The following OPRL1 variants were observed in gnomAD, a reference collection of about 807,000 sequenced individuals.
OPRL1 encodes the protein nociceptin receptor.
Under a neutral mutation model 15.5 loss-of-function variants are expected in OPRL1, and 5 were observed. The observed-to-expected ratio is 0.32, with a 90% confidence interval of 0.17 to 0.68. The LOEUF (loss-of-function observed/expected upper bound fraction) is 0.68, where lower values mean the gene tolerates loss of function less well. Among genes scored for constraint, OPRL1 ranks in the 30% least tolerant of loss-of-function variants. The pLI, the probability that OPRL1 is intolerant of heterozygous loss-of-function variation, is 0.72. For missense variants in OPRL1, 406 were observed against 515.3 expected (o/e 0.79, Z 2.05); for synonymous variants, 223 against 230.2 (o/e 0.97, Z 0.28).
At position 64,093,090 on chromosome 20, in the gene OPRL1, C is replaced by G. The variant is rs932416924; in HGVS notation, c.233+137C>G. 13 of 813,402 alleles carry G rather than the reference C, an allele frequency of 1.6e-5. No homozygotes were observed. The African/African-American group carries it at 1.9e-4, about 12-fold the overall frequency. The allele number at this position is 813,402 out of a possible 1,614,324, so 50.4% of individuals were successfully genotyped here. A position where few individuals can be genotyped will look rare whatever the true frequency, so the allele number is the denominator to read the frequency against. On this transcript the variant is annotated intron_variant, in intron 3 of 4. Coordinates refer to ENST00000336866, the MANE Select transcript of OPRL1 (RefSeq NM_182647.4). Reference sequence around the variant, plus strand: ...CCCCATTCAATGTTTTTGACCCTGTCCAGGAGGCAGGGTCAGTCCTGAGGC... The same window carrying G: ...CCCCATTCAATGTTTTTGACCCTGTGCAGGAGGCAGGGTCAGTCCTGAGGC...
Position 64,099,168 on chromosome 20 carries a change from C to G in OPRL1, c.*369C>G. 3.3e-6 allele frequency: 1 copy of G among 300,784 alleles called. No individual in the cohort carries two copies. The highest frequency in any genetic ancestry group is 6.2e-6 in the Non-Finnish European group (1 of 161,130). 18.6% of individuals were successfully genotyped at this position (300,784 alleles called of 1,614,324 possible). Reference sequence around the variant, plus strand: ...CATGTGACTCTTGGCCTCTCTGCTGCTGCGTTGGCAGAACCCTGGGTGGGC... The same window carrying G: ...CATGTGACTCTTGGCCTCTCTGCTGGTGCGTTGGCAGAACCCTGGGTGGGC... On this transcript the variant is annotated 3_prime_UTR_variant, in exon 5 of 5. Coordinates refer to ENST00000336866, the MANE Select transcript of OPRL1 (RefSeq NM_182647.4).
At chr20:64,087,714 C>G (rs1243082242) in intron 1 of OPRL1, among the ~76,000 whole-genome samples, 1 of 152,276 alleles carries the variant, frequency 6.6e-6, no homozygotes, top group Non-Finnish European at 1.5e-5. Context: ...CTGCCCAGAA[C>G]ATGTGTGTTT....
chr20:64,084,467 C>T (rs2060020444), intron 1 of OPRL1: 2 of 983,114 alleles, frequency 2.0e-6, no homozygotes, highest in Non-Finnish European at 2.6e-6. Flanking sequence ...CTAGGACTTT[C>T]TGATCAACTC....
intron 3 of OPRL1, among the ~76,000 whole-genome samples, chr20:64,095,291 G>A (rs1475952841): frequency 2.2e-5 from 2 of 90,166 alleles, no homozygotes; most frequent in African/African-American, 4.5e-5. Context: ...GGGGGATAGT[G>A]GGGGGATAGT....
rs1476658903 is a variant in OPRL1 at position 64,099,654 on chromosome 20, T to G, written c.*855T>G. ...CCAGCGGTGCAATGAACTATCATGC[T>G]GTGGACCGTCAACCCAGCCCTGCTT... is the stretch of plus-strand genomic sequence containing the variant. On this transcript the variant is annotated 3_prime_UTR_variant, in exon 5 of 5. Transcript: ENST00000336866. The G allele has an allele frequency of 6.6e-6, 1 of 152,376 alleles. No individual in the cohort carries two copies. Among genetic ancestry groups the G allele is most frequent in the African/African-American group, 2.4e-5 (1 of 41,470 alleles). The allele number at this position is 152,376 out of a possible 1,614,324, so 9.4% of individuals were successfully genotyped here.
chr20:64,088,733 A>G (rs867817959), intron 1 of OPRL1, among the ~76,000 whole-genome samples: 509 of 8,520 alleles, frequency 0.06, 137 homozygotes, highest in Middle Eastern at 0.091. Context: ...GATCTGTGCA[A>G]GGGGTAGGAT....
Position 64,098,874 on chromosome 20 carries a change from C to T in OPRL1, c.*75C>T. ...CGCCCAACACAGAGCTCACACAGGT[C>T]ACTGCTCTCTAGGCGGACACACCCT... On this transcript the variant is annotated 3_prime_UTR_variant, in exon 5 of 5. Coordinates refer to ENST00000336866, the MANE Select transcript of OPRL1 (RefSeq NM_182647.4). 4.7e-6 allele frequency: 7 copies of T among 1,497,880 alleles called. No homozygotes were observed. Among genetic ancestry groups the T allele is most frequent in the Non-Finnish European group, 6.2e-6 (7 of 1,126,658 alleles). 92.8% of individuals were successfully genotyped at this position (1,497,880 alleles called of 1,614,324 possible). A position where few individuals can be genotyped will look rare whatever the true frequency, so the allele number is the denominator to read the frequency against.
At position 64,083,623 on chromosome 20, in the gene OPRL1, A is replaced by G. The variant is rs1236580633; in HGVS notation, c.-185+3271A>G. 1.1e-5 allele frequency: 16 copies of G among 1,475,172 alleles called. No individual in the cohort carries two copies. The highest frequency in any genetic ancestry group is 1.4e-5 in the Non-Finnish European group (16 of 1,115,368). 91.4% of individuals were successfully genotyped at this position (1,475,172 alleles called of 1,614,324 possible). ...GGGGTCCGGGATCCGCGCGGGCTTC[A>G]GCTGCGGCGGCAGGAACAGCTCCAG... is the stretch of plus-strand genomic sequence containing the variant. On this transcript the variant is annotated intron_variant, in intron 1 of 4. Transcript: ENST00000336866. The surrounding 1 kb of genome is among the most constrained non-coding windows in gnomAD (Gnocchi z 4.9).
chr20:64,098,194 C>T, intron 4 of OPRL1, 37 bp downstream of exon 4: 1 of 1,605,712 alleles, frequency 6.2e-7, no homozygotes, highest in Non-Finnish European at 8.5e-7. Flanking sequence ...CACCAGGCTC[C>T]CTGGCTCCCG....
chr20:64,093,373 C>T (rs953809470), intron 3 of OPRL1, among the ~76,000 whole-genome samples: 1 of 146,890 alleles, frequency 6.8e-6, no homozygotes, highest in Non-Finnish European at 1.5e-5. Flanking sequence ...CTCTCAGGCT[C>T]CAGGGCTCCT....
Position 64,083,807 on chromosome 20 carries a change from C to T in OPRL1, c.-185+3455C>T, listed in dbSNP as rs1347548821. 3.7e-6 allele frequency: 5 copies of T among 1,349,730 alleles called. No individual in the cohort carries two copies. Among genetic ancestry groups the T allele is most frequent in the Non-Finnish European group, 4.7e-6 (5 of 1,057,402 alleles). 83.6% of individuals were successfully genotyped at this position (1,349,730 alleles called of 1,614,324 possible). On this transcript the variant is annotated intron_variant, in intron 1 of 4. Coordinates refer to ENST00000336866, the MANE Select transcript of OPRL1 (RefSeq NM_182647.4). The surrounding 1 kb of genome is among the most constrained non-coding windows in gnomAD (Gnocchi z 4.9). ...GTGCGCCCCCTCTGCCCTCCGACCC[C>T]CTCGCCTCACCCGCATGCGGGTGTA...
At chr20:64,096,292 C>T (rs1346731295) in intron 3 of OPRL1, among the ~76,000 whole-genome samples, 2 of 152,072 alleles carry the variant, frequency 1.3e-5, no homozygotes, top group Non-Finnish European at 2.9e-5. Flanking sequence ...CACACTGGCC[C>T]GAGAGGCCGC....
chr20:64,089,742 C>T lies in OPRL1; in HGVS notation c.-184-2224C>T, dbSNP rs2060101528. ...CTGCCCTGGCCTCTGACACTGGTTC[C>T]TGGTCCGGGGACATCAGGTTGGGCT... On this transcript the variant is annotated intron_variant, in intron 1 of 4. Coordinates refer to ENST00000336866, the MANE Select transcript of OPRL1 (RefSeq NM_182647.4). This position sits in a 1 kb window ranked among gnomAD's most constrained non-coding sequence, Gnocchi z 5.5. Among the ~76,000 whole-genome samples, 1 of 152,344 alleles carries T rather than the reference C, an allele frequency of 6.6e-6. No individual in the cohort carries two copies.
In OPRL1 at chr20:64,084,086, G is replaced by A. The variant is rs745746996; in HGVS notation, c.-185+3734G>A. 104 of 1,486,862 alleles carry A rather than the reference G, an allele frequency of 7.0e-5. 1 individual carries two copies. Among genetic ancestry groups the A allele is most frequent in the Non-Finnish European group, 8.5e-5 (96 of 1,127,426 alleles). 92.1% of individuals were successfully genotyped at this position (1,486,862 alleles called of 1,614,324 possible). A position where few individuals can be genotyped will look rare whatever the true frequency, so the allele number is the denominator to read the frequency against. On this transcript the variant is annotated intron_variant, in intron 1 of 4. Coordinates refer to ENST00000336866, the MANE Select transcript of OPRL1 (RefSeq NM_182647.4). ...GGCCGCCAGTCCCTGCGGCGTCAGG[G>A]CCCAGCCCGGCTTGGGGGGCTCTGT...
chr20:64,095,665 T>C (rs2145617861), intron 3 of OPRL1, among the ~76,000 whole-genome samples: 1 of 151,898 alleles, frequency 6.6e-6, no homozygotes, highest in South Asian at 2.1e-4. Flanking sequence ...AGGTTTCTTA[T>C]TGGTCCAGGA....
chr20:64,084,132 G>C, intron 1 of OPRL1: 1 of 1,465,594 alleles, frequency 6.8e-7, no homozygotes, highest in South Asian at 1.3e-5. Context: ...CCCTTGGCAC[G>C]CTCCTCACCC....
rs773033373 is a variant in OPRL1 at position 64,098,033 on chromosome 20, C to T, written c.465C>T (p.Pro155=). The T allele has an allele frequency of 5.0e-6, 8 of 1,613,304 alleles. No individual in the cohort carries two copies. The Admixed American group carries it at 1.0e-4, about 20-fold the overall frequency. ...SVDRYVAICH[P]IRALDVRTSS... Reference sequence around the variant, plus strand: ...ATCGCTATGTAGCCATCTGCCACCCCATCCGTGCCCTCGACGTCCGCACGT... The same window carrying T: ...ATCGCTATGTAGCCATCTGCCACCCTATCCGTGCCCTCGACGTCCGCACGT... The change falls in exon 4 of 5, where the codon CCC becomes CCT. Residue 155 remains proline (P), a synonymous_variant. Transcript: ENST00000336866.
At position 64,098,491 on chromosome 20, in the gene OPRL1, G is replaced by A; in HGVS notation, c.805G>A (p.Val269Met). The change falls in exon 5 of 5, where the codon GTG becomes ATG. Residue 269 changes from valine to methionine, a missense_variant. Physicochemically the swap from Val to Met is conservative, Grantham distance 21. Coordinates refer to ENST00000336866, the MANE Select transcript of OPRL1 (RefSeq NM_182647.4). ...RRITRLVLVV[V>M]AVFVGCWTPV... is the part of the protein sequence containing the mutation. Reference sequence around the variant, plus strand: ...CATCACTCGGCTGGTGCTGGTGGTAGTGGCTGTGTTCGTGGGCTGCTGGAC... The same window carrying A: ...CATCACTCGGCTGGTGCTGGTGGTAATGGCTGTGTTCGTGGGCTGCTGGAC... 6.2e-7 allele frequency: 1 copy of A among 1,613,134 alleles called. No individual in the cohort carries two copies. Among genetic ancestry groups the A allele is most frequent in the Non-Finnish European group, 8.5e-7 (1 of 1,180,020 alleles).
chr20:64,092,304 G>A (rs1173908052), intron 2 of OPRL1, among the ~76,000 whole-genome samples, 188 bp downstream of exon 2: 1 of 152,184 alleles, frequency 6.6e-6, no homozygotes, highest in Non-Finnish European at 1.5e-5. Context: ...TGTGACTTGT[G>A]TCCCTGCATC....
Sources: gnomAD v4.1 joint callset for allele counts (sites outside exome capture counted in the v4.1 genomes callset) on GRCh38, gnomAD v4.1.1 for gene constraint, Gnocchi (gnomAD v3.1) non-coding constraint, MANE v1.5 for transcripts, NCBI Gene and HGNC (gene_info 2026-07-23, HGNC 2026-07-21) for gene names.